NEDD4L: variants seen among roughly 807,000 people sequenced by gnomAD.
NEDD4L encodes the protein NEDD4 like E3 ubiquitin protein ligase, also known as E3 ubiquitin-protein ligase NEDD4-like.
A neutral mutation model predicts 148.9 loss-of-function variants in NEDD4L; 54 were observed. The observed-to-expected ratio is 0.36, with a 90% CI of 0.29 to 0.45. The LOEUF is 0.45. Ranked by LOEUF, NEDD4L falls within the 20% of genes least tolerant of loss-of-function variation. NEDD4L has a pLI of 1.00. For synonymous variants in NEDD4L, 433 were observed against 440.7 expected, an observed-to-expected ratio of 0.98 and a Z score of 0.22; for missense variants, 856 against 1,233.8, an observed-to-expected ratio of 0.69 and a Z score of 4.59.
chr18:58,245,864 T>A (rs1186230568), intron 3 of NEDD4L, among the ~76,000 whole-genome samples: 34 of 144,582 alleles, frequency 2.4e-4, no homozygotes, highest in African/African-American at 8.4e-4. Flanking sequence ...TTTTTTTTTT[T>A]TTTTTGTATT....
intron 21 of NEDD4L, 28 bp from the exon 22 acceptor site, chr18:58,367,717 TG>T: frequency 3.7e-6 from 6 of 1,611,930 alleles, no homozygotes; most frequent in Non-Finnish European, 5.1e-6. Context: ...AAAGTGTGAT[TG>T]GGCTTTTCTT....
chr18:58,192,351 G>C (rs2040208045), intron 2 of NEDD4L, among the ~76,000 whole-genome samples: 1 of 152,180 alleles, frequency 6.6e-6, no homozygotes, highest in Non-Finnish European at 1.5e-5. Context: ...TGTGTGTAAG[G>C]TGCCATCGTT....
chr18:58,241,989 C>G (rs1295410505), intron 2 of NEDD4L, among the ~76,000 whole-genome samples: 1 of 151,458 alleles, frequency 6.6e-6, no homozygotes, highest in African/African-American at 2.5e-5. Flanking sequence ...GCAGCAGCCA[C>G]TAGAACGGTA....
At chr18:58,084,710 T>TGTGTGTGTGTG (rs1599157510) in intron 1 of NEDD4L, among the ~76,000 whole-genome samples, 11 of 150,736 alleles carry the variant, frequency 7.3e-5, no homozygotes, top group South Asian at 2.1e-4. Context: ...TGTGTGTGTG[T>TGTGTGTGTGTG]TTGAGACAGG....
chr18:58,238,131 A>T (rs1444997151), intron 2 of NEDD4L, among the ~76,000 whole-genome samples: 1 of 152,210 alleles, frequency 6.6e-6, no homozygotes, highest in African/African-American at 2.4e-5. Context: ...TTTGCTGGAA[A>T]ATTGTACATA....
chr18:58,376,763 A>G (rs1309348735), intron 24 of NEDD4L, among the ~76,000 whole-genome samples: 1 of 152,122 alleles, frequency 6.6e-6, no homozygotes, highest in African/African-American at 2.4e-5. Flanking sequence ...TGCCCTTGAG[A>G]TAAAGACCCC....
intron 15 of NEDD4L, 63 bp from the exon 16 acceptor site, chr18:58,342,843 T>G: frequency 7.5e-7 from 1 of 1,325,138 alleles, no homozygotes; most frequent in South Asian, 1.9e-5. Context: ...AATACCCAGG[T>G]ACATTTTGGC....
Position 58,256,289 on chromosome 18 carries a change from C to G in NEDD4L, c.297+4235C>G. The G allele has an allele frequency of 2.4e-6, 3 of 1,231,550 alleles. No homozygotes were observed. Among genetic ancestry groups the G allele is most frequent in the Non-Finnish European group, 2.0e-6 (2 of 987,764 alleles). The allele number at this position is 1,231,550 out of a possible 1,614,324, so 76.3% of individuals were successfully genotyped here. A position where few individuals can be genotyped will look rare whatever the true frequency, so the allele number is the denominator to read the frequency against. On this transcript the variant is annotated intron_variant, in intron 5 of 30. Transcript: ENST00000400345. The surrounding 1 kb of genome is among the most constrained non-coding windows in gnomAD (Gnocchi z 5.2). ...CCTGGGCCCCGATGGCCAGGGCGGC[C>G]CGGCCGCGGCAGAGCCCAGGCGCTG...
chr18:58,262,226 A>G (rs1179445690), intron 5 of NEDD4L, among the ~76,000 whole-genome samples: 1 of 152,246 alleles, frequency 6.6e-6, no homozygotes, highest in African/African-American at 2.4e-5. Context: ...GAATGTCTAT[A>G]CATTTCTGGG....
At chr18:58,201,889 T>C (rs1365995188) in intron 2 of NEDD4L, among the ~76,000 whole-genome samples, 1 of 152,226 alleles carries the variant, frequency 6.6e-6, no homozygotes, top group African/African-American at 2.4e-5. Flanking sequence ...CCCTTGTCTT[T>C]TTATAACTCT....
chr18:58,143,359 G>A (rs1256589314), intron 1 of NEDD4L, among the ~76,000 whole-genome samples: 2 of 152,232 alleles, frequency 1.3e-5, no homozygotes, highest in Non-Finnish European at 2.9e-5. Context: ...TGTCAAAAAT[G>A]TTGAGTTGTA....
chr18:58,137,143 T>C (rs2032939612), intron 1 of NEDD4L, among the ~76,000 whole-genome samples: 1 of 152,236 alleles, frequency 6.6e-6, no homozygotes, highest in Non-Finnish European at 1.5e-5. Flanking sequence ...CCATAGAAGC[T>C]CCACCATGAT....
chr18:58,281,042 A>G lies in NEDD4L; in HGVS notation c.297+28988A>G, dbSNP rs538150548. Among the ~76,000 whole-genome samples, 9 of 152,206 alleles carry G rather than the reference A, an allele frequency of 5.9e-5. No homozygotes were observed. The South Asian group carries it at 6.2e-4, about 11-fold the overall frequency. ...CCAGGCTGGAGTGCAGTGGCATGCAATCATGGCTCACTGCAGCCTTGAACT... is the reference window on the plus strand; with the variant it reads ...CCAGGCTGGAGTGCAGTGGCATGCAGTCATGGCTCACTGCAGCCTTGAACT... On this transcript the variant is annotated intron_variant, in intron 5 of 30. Transcript: ENST00000400345.
At chr18:58,352,139 A>G (rs2043968788) in intron 18 of NEDD4L, among the ~76,000 whole-genome samples, 1 of 152,190 alleles carries the variant, frequency 6.6e-6, no homozygotes, top group Non-Finnish European at 1.5e-5. Context: ...CCTTTGTTTA[A>G]ACCAGATATT....
chr18:58,221,977 C>A (rs540317472), intron 2 of NEDD4L, among the ~76,000 whole-genome samples: 11 of 152,238 alleles, frequency 7.2e-5, no homozygotes, highest in African/African-American at 2.4e-4. Context: ...AAAGAATGAG[C>A]CTTGAAAAGA....
intron 3 of NEDD4L, 57 bp from the exon 4 acceptor site, chr18:58,248,842 T>C (rs2091213275): frequency 2.3e-6 from 2 of 863,574 alleles, no homozygotes; most frequent in African/African-American, 1.7e-5. Context: ...TGTATTGTAC[T>C]AGTAACTGCT....
chr18:58,325,409 TTC>T (rs1451002043), intron 9 of NEDD4L, among the ~76,000 whole-genome samples: 1 of 152,264 alleles, frequency 6.6e-6, no homozygotes, highest in Admixed American at 6.5e-5. Context: ...TTTCTATGTC[TTC>T]TTTTATGTCG....
intron 26 of NEDD4L, among the ~76,000 whole-genome samples, chr18:58,386,808 C>A (rs2049092299): frequency 6.6e-6 from 1 of 152,156 alleles, no homozygotes; most frequent in South Asian, 2.1e-4. Flanking sequence ...AGCTCGGGGC[C>A]TTAGGGACTT....
intron 2 of NEDD4L, among the ~76,000 whole-genome samples, chr18:58,179,810 G>A (rs2038628050): frequency 6.6e-6 from 1 of 151,906 alleles, no homozygotes; most frequent in Admixed American, 6.6e-5. Flanking sequence ...ATATTATGAA[G>A]AGTTGTATAA....
Sources: allele counts gnomAD v4.1 joint callset (sites outside exome capture counted in the v4.1 genomes callset), GRCh38; gene constraint gnomAD v4.1.1; non-coding constraint Gnocchi (gnomAD v3.1); transcripts MANE v1.5; gene names NCBI Gene and HGNC (gene_info 2026-07-23, HGNC 2026-07-21).